FBXW7: variants seen among roughly 807,000 people sequenced by gnomAD.
FBXW7 encodes the protein F-box and WD repeat domain containing 7.
In FBXW7, 11 loss-of-function variants were observed where a neutral mutation model predicts 86.3. The observed-to-expected ratio is 0.13, with a 90% CI of 0.08 to 0.21. The LOEUF is 0.21. FBXW7 is among the 10% of genes least tolerant of loss of function. FBXW7 has a pLI of 1.00. For missense variants in FBXW7, 488 were observed against 847.4 expected, an observed-to-expected ratio of 0.58 and a Z score of 5.27; for synonymous variants, 313 against 297.9, an observed-to-expected ratio of 1.05 and a Z score of -0.52.
At chr4:152,421,544 A>T (rs750807655) in intron 2 of FBXW7, among the ~76,000 whole-genome samples, 1 of 152,124 alleles carries the variant, frequency 6.6e-6, no homozygotes, top group Non-Finnish European at 1.5e-5. Flanking sequence ...CTTTTTAAAC[A>T]TACGAAAAAG....
intron 2 of FBXW7, among the ~76,000 whole-genome samples, chr4:152,482,623 C>T (rs1744982675): frequency 6.6e-6 from 1 of 152,054 alleles, no homozygotes; most frequent in South Asian, 2.1e-4. Flanking sequence ...ATTTAGCAAC[C>T]AAGATGCATG....
At chr4:152,395,286 T>C (rs1355010311) in intron 4 of FBXW7, among the ~76,000 whole-genome samples, 1 of 152,064 alleles carries the variant, frequency 6.6e-6, no homozygotes, top group African/African-American at 2.4e-5. Context: ...ATGCTTCTGA[T>C]GCAGCTGGTC....
intron 2 of FBXW7, among the ~76,000 whole-genome samples, chr4:152,477,258 T>C (rs62320761): frequency 0.041 from 6,233 of 152,000 alleles, 172 homozygotes; most frequent in Non-Finnish European, 0.06. Flanking sequence ...TCCAAAGGGG[T>C]AGGTCAATAT....
chr4:152,499,950 C>G (rs1011461270), intron 2 of FBXW7, among the ~76,000 whole-genome samples: 5 of 152,126 alleles, frequency 3.3e-5, no homozygotes, highest in African/African-American at 1.2e-4. Flanking sequence ...GATCATCATG[C>G]CTGTCAAGCT....
At chr4:152,527,724 G>T (rs892051465) in intron 2 of FBXW7, among the ~76,000 whole-genome samples, 1 of 152,166 alleles carries the variant, frequency 6.6e-6, no homozygotes, top group African/African-American at 2.4e-5. Flanking sequence ...CGGCTGCAGT[G>T]AGCAAGGATC....
At chr4:152,323,192 T>C (rs1203405366) in intron 13 of FBXW7, 43 bp from the exon 14 acceptor site, 27 of 1,585,784 alleles carry the variant, frequency 1.7e-5, no homozygotes, top group Non-Finnish European at 2.2e-5. Context: ...TTAGAAATAA[T>C]GGCTATGAGT....
intron 2 of FBXW7, among the ~76,000 whole-genome samples, chr4:152,460,900 TCTG>T (rs1742877100): frequency 6.6e-6 from 1 of 152,244 alleles, no homozygotes; most frequent in Non-Finnish European, 1.5e-5. Flanking sequence ...TCTCTCAAAC[TCTG>T]CTTATTTTTC....
At chr4:152,389,445 G>A (rs2126804148) in intron 4 of FBXW7, among the ~76,000 whole-genome samples, 1 of 152,120 alleles carries the variant, frequency 6.6e-6, no homozygotes, top group African/African-American at 2.4e-5. Flanking sequence ...AAAAAAGAAT[G>A]AAATGTCTTT....
chr4:152,455,306 T>C (rs1019125723), intron 2 of FBXW7, among the ~76,000 whole-genome samples: 9 of 152,200 alleles, frequency 5.9e-5, no homozygotes, highest in Non-Finnish European at 1.2e-4. Flanking sequence ...TCAGGTAAAC[T>C]TTCTGTTACA....
intron 2 of FBXW7, among the ~76,000 whole-genome samples, chr4:152,529,139 T>C (rs1749788568): frequency 6.6e-6 from 1 of 152,180 alleles, no homozygotes; most frequent in Non-Finnish European, 1.5e-5. Flanking sequence ...ATAATTTCTG[T>C]TTGGAGTATT....
chr4:152,501,582 T>G (rs528323345), intron 2 of FBXW7, among the ~76,000 whole-genome samples: 1 of 152,192 alleles, frequency 6.6e-6, no homozygotes, highest in Admixed American at 6.5e-5. Context: ...TTTTAGAAAT[T>G]GTATATTCAT....
chr4:152,514,660 T>C (rs1748296735), intron 2 of FBXW7, among the ~76,000 whole-genome samples: 1 of 152,110 alleles, frequency 6.6e-6, no homozygotes, highest in Non-Finnish European at 1.5e-5. Context: ...AAAAAGAGCT[T>C]GGCACCCCCT....
At chr4:152,473,024 G>A (rs746340857) in intron 2 of FBXW7, among the ~76,000 whole-genome samples, 14 of 152,012 alleles carry the variant, frequency 9.2e-5, no homozygotes, top group East Asian at 3.8e-4. Flanking sequence ...AAAATTTCCC[G>A]TAAAATCTTG....
intron 4 of FBXW7, among the ~76,000 whole-genome samples, chr4:152,379,512 C>G (rs1734858636): frequency 6.6e-6 from 1 of 152,016 alleles, no homozygotes; most frequent in Admixed American, 6.6e-5. Flanking sequence ...TTTTCTTTCT[C>G]TCTTCTAATT....
chr4:152,473,934 TA>T (rs1007000616), intron 2 of FBXW7, among the ~76,000 whole-genome samples: 44 of 152,180 alleles, frequency 2.9e-4, no homozygotes, highest in African/African-American at 1.1e-3. Context: ...CTTTTCTTCC[TA>T]AAAGAGAAAG....
intron 2 of FBXW7, among the ~76,000 whole-genome samples, chr4:152,458,099 A>C (rs1050299690): frequency 2.0e-5 from 3 of 152,074 alleles, no homozygotes; most frequent in African/African-American, 4.8e-5. Context: ...AGCTCACTGC[A>C]ACCTCTGCCT....
chr4:152,355,470 G>A (rs1732281201), intron 4 of FBXW7, among the ~76,000 whole-genome samples: 2 of 151,990 alleles, frequency 1.3e-5, no homozygotes, highest in African/African-American at 4.8e-5. Context: ...AAACCAAATA[G>A]CTAAGTTAGT....
At chr4:152,329,619 C>A (rs1325639262) in intron 10 of FBXW7, 53 bp downstream of exon 10, 6 of 849,250 alleles carry the variant, frequency 7.1e-6, no homozygotes, top group Non-Finnish European at 9.0e-6. Flanking sequence ...TTGCTACTTG[C>A]AATGATATAC....
At chr4:152,371,294 C>A (rs1400060801) in intron 4 of FBXW7, among the ~76,000 whole-genome samples, 1 of 151,808 alleles carries the variant, frequency 6.6e-6, no homozygotes, top group Non-Finnish European at 1.5e-5. Context: ...TGGAAAAAGA[C>A]AAGAAGTCTA....
Sources: gnomAD v4.1 joint callset for allele counts (sites outside exome capture counted in the v4.1 genomes callset) on GRCh38, gnomAD v4.1.1 for gene constraint, MANE v1.5 for transcripts, NCBI Gene and HGNC (gene_info 2026-07-23, HGNC 2026-07-21) for gene names.